The following TTC7A variants were observed in gnomAD, a reference collection of about 807,000 sequenced individuals.
TTC7A encodes tetratricopeptide repeat protein 7A.
TTC7A carries 110 observed loss-of-function variants against 103.7 expected under a neutral mutation model. The ratio of observed to expected loss-of-function variants is 1.06; its 90% CI spans 0.91 to 1.24. The LOEUF is 1.24. Ranked by LOEUF, TTC7A falls within the 50% of genes most tolerant of loss-of-function variation. TTC7A has a pLI of 0.00. For missense variants in TTC7A, 1,340 were observed against 1,116.3 expected, an observed-to-expected ratio of 1.20 and a Z score of -2.86; for synonymous variants, 521 against 467.9, an observed-to-expected ratio of 1.11 and a Z score of -1.47.
intron 5 of TTC7A, among the ~76,000 whole-genome samples, chr2:46,988,365 T>C (rs1234215523): frequency 6.6e-6 from 1 of 152,182 alleles, no homozygotes; most frequent in Admixed American, 6.5e-5. Flanking sequence ...GATGACCATT[T>C]GAACTTCACC....
chr2:47,014,232 C>G (rs1170390288), intron 11 of TTC7A, among the ~76,000 whole-genome samples: 2 of 152,144 alleles, frequency 1.3e-5, no homozygotes, highest in African/African-American at 2.4e-5. Context: ...CCCTCTCCCC[C>G]ACAGGAAGCC....
chr2:46,978,720 A>G, intron 4 of TTC7A, 72 bp from the exon 5 acceptor site: 1 of 1,224,228 alleles, frequency 8.2e-7, no homozygotes, highest in Non-Finnish European at 1.2e-6. Context: ...TGATGAGGCC[A>G]CCTCCTCTTG....
At chr2:46,958,389 G>C in intron 3 of TTC7A, 1 of 837,280 alleles carries the variant, frequency 1.2e-6, no homozygotes, top group South Asian at 1.4e-5. Flanking sequence ...TTCAGCCATG[G>C]ACGCCCTGAG....
intron 11 of TTC7A, among the ~76,000 whole-genome samples, chr2:47,016,467 C>G (rs1244488478): frequency 2.6e-5 from 4 of 152,166 alleles, no homozygotes; most frequent in Admixed American, 2.6e-4. Flanking sequence ...TGTGAAAATG[C>G]CAGGGGAGCC....
upstream of TTC7A, chr2:46,916,006 C>T: frequency 1.0e-6 from 1 of 985,498 alleles, no homozygotes; most frequent in Non-Finnish European, 1.2e-6. Flanking sequence ...CGACACTCGG[C>T]TCCACTCCAG....
chr2:46,974,509 G>A (rs1673661033), intron 3 of TTC7A: 3 of 367,866 alleles, frequency 8.2e-6, no homozygotes, highest in Non-Finnish European at 1.6e-5. Flanking sequence ...TCTGGATCTG[G>A]AGCTTCTAAG....
chr2:46,999,069 G>A (rs2104413802), intron 8 of TTC7A, among the ~76,000 whole-genome samples: 1 of 152,044 alleles, frequency 6.6e-6, no homozygotes, highest in East Asian at 1.9e-4. Context: ...TTATCCTTCT[G>A]GCCATCTACC....
chr2:47,072,497 C>G (rs775108913), intron 19 of TTC7A, among the ~76,000 whole-genome samples: 3 of 152,262 alleles, frequency 2.0e-5, no homozygotes, highest in Non-Finnish European at 2.9e-5. Flanking sequence ...GCATGCGCAT[C>G]TTCCCCAGCG....
At chr2:47,036,072 A>G (rs1384694590) in intron 15 of TTC7A, among the ~76,000 whole-genome samples, 1 of 152,230 alleles carries the variant, frequency 6.6e-6, no homozygotes, top group African/African-American at 2.4e-5. Context: ...TAAGTCTTTC[A>G]AGATCAGGAA....
At chr2:46,918,272 T>C (rs1225424906) in intron 2 of TTC7A, among the ~76,000 whole-genome samples, 1 of 152,236 alleles carries the variant, frequency 6.6e-6, no homozygotes, top group Non-Finnish European at 1.5e-5. Flanking sequence ...CTGTTTTTGA[T>C]TTATCTCATC....
intron 2 of TTC7A, among the ~76,000 whole-genome samples, chr2:46,929,052 G>C (rs1669554154): frequency 6.6e-6 from 1 of 151,986 alleles, no homozygotes; most frequent in Non-Finnish European, 1.5e-5. Context: ...AATCTCAGCT[G>C]TTTGGTAGGT....
intron 3 of TTC7A, among the ~76,000 whole-genome samples, chr2:46,966,251 C>T (rs1672834619): frequency 6.6e-6 from 1 of 152,018 alleles, no homozygotes; most frequent in African/African-American, 2.4e-5. Flanking sequence ...GCTTGGCCTG[C>T]ATACTTTCTA....
intron 4 of TTC7A, 140 bp downstream of exon 4, chr2:46,975,243 A>G: frequency 8.7e-7 from 1 of 1,150,994 alleles, no homozygotes; most frequent in Non-Finnish European, 1.2e-6. Flanking sequence ...TCTACTTCAT[A>G]GTTGGAAAAC....
intron 19 of TTC7A, among the ~76,000 whole-genome samples, chr2:47,071,373 C>A (rs959399249): frequency 2.6e-5 from 4 of 152,160 alleles, no homozygotes; most frequent in Non-Finnish European, 5.9e-5. Flanking sequence ...AGTCCTCCCC[C>A]ACAGAGAGCC....
At chr2:46,986,067 G>A (rs1674976802) in intron 5 of TTC7A, among the ~76,000 whole-genome samples, 1 of 152,174 alleles carries the variant, frequency 6.6e-6, no homozygotes, top group South Asian at 2.1e-4. Flanking sequence ...TCCTGGGTGG[G>A]GGCACAGTTG....
At chr2:46,985,254 C>A (rs558317781) in intron 5 of TTC7A, among the ~76,000 whole-genome samples, 1 of 152,178 alleles carries the variant, frequency 6.6e-6, no homozygotes, top group South Asian at 2.1e-4. Flanking sequence ...CTGGCTCCAC[C>A]CTGCCCCAAC....
chr2:47,061,053 A>C (rs956711748), intron 19 of TTC7A, 82 bp downstream of exon 19: 17 of 1,381,766 alleles, frequency 1.2e-5, no homozygotes, highest in Non-Finnish European at 1.6e-5. Flanking sequence ...CCTTGTCCCC[A>C]TACTCCACTG....
chr2:47,075,411 TTA>T lies in TTC7A; in HGVS notation c.*1491_*1492del, dbSNP rs1461206843. On this transcript the variant is annotated 3_prime_UTR_variant, in exon 20 of 20. Coordinates refer to ENST00000319190, the MANE Select transcript of TTC7A (RefSeq NM_020458.4). The stretch of plus-strand genomic sequence containing the variant: ...GTTTATCTCAGGGTGCCCAAAGTGG[TTA>T]TAGTCAATTTTTGGTACTAGGAAAG... 1 of 152,178 alleles carries T rather than the reference TTA, an allele frequency of 6.6e-6. No individual in the cohort carries two copies. Among genetic ancestry groups the T allele is most frequent in the Non-Finnish European group, 1.5e-5 (1 of 68,034 alleles). The allele number at this position is 152,178 out of a possible 1,614,324, so 9.4% of individuals were successfully genotyped here. A position where few individuals can be genotyped will look rare whatever the true frequency, so the allele number is the denominator to read the frequency against.
chr2:47,065,330 G>A (rs1684097846), intron 19 of TTC7A, among the ~76,000 whole-genome samples: 2 of 152,214 alleles, frequency 1.3e-5, no homozygotes, highest in African/African-American at 4.8e-5. Context: ...GGCTTACATA[G>A]CATTTTCAAC....
Sources: gnomAD v4.1 joint callset for allele counts (sites outside exome capture counted in the v4.1 genomes callset) on GRCh38, gnomAD v4.1.1 for gene constraint, MANE v1.5 for transcripts, NCBI Gene and HGNC (gene_info 2026-07-23, HGNC 2026-07-21) for gene names.